Variants in ZNF277 observed in about 807,000 individuals in gnomAD.
ZNF277 encodes nuclear receptor-interacting factor 4.
ZNF277 carries 55 observed loss-of-function variants against 60.7 expected under a neutral mutation model. The observed-to-expected ratio is 0.91, with a 90% confidence interval of 0.73 to 1.13. The LOEUF (loss-of-function observed/expected upper bound fraction) is 1.13, where lower values mean the gene tolerates loss of function less well. Among genes scored for constraint, ZNF277 ranks in the 50% most tolerant of loss-of-function variants. The probability of loss-of-function intolerance (pLI) is 0.00; values close to 1 mark genes in which losing one functional copy is unlikely to be tolerated. For synonymous variants in ZNF277, 178 were observed against 179.3 expected, an observed-to-expected ratio of 0.99 and a Z score of 0.06; for missense variants, 510 against 523.0, an observed-to-expected ratio of 0.98 and a Z score of 0.24.
intron 5 of ZNF277, 62 bp downstream of exon 5, chr7:112,318,335 C>A: frequency 7.1e-7 from 1 of 1,404,338 alleles, no homozygotes; most frequent in South Asian, 1.2e-5. Context: ...CAGAACATCC[C>A]TAACTGTTGG....
At chr7:112,279,164 A>G (rs1374677724) in intron 1 of ZNF277, among the ~76,000 whole-genome samples, 1 of 152,240 alleles carries the variant, frequency 6.6e-6, no homozygotes, top group Non-Finnish European at 1.5e-5. Flanking sequence ...ATATAAAAGT[A>G]CAAATATTTC....
chr7:112,313,182 C>T (rs1391677384), intron 4 of ZNF277, among the ~76,000 whole-genome samples: 1 of 152,076 alleles, frequency 6.6e-6, no homozygotes, highest in Admixed American at 6.6e-5. Flanking sequence ...TTATAATTAT[C>T]ACTAATTCGT....
chr7:112,289,808 T>A (rs1792163099), intron 2 of ZNF277, among the ~76,000 whole-genome samples: 2 of 151,104 alleles, frequency 1.3e-5, no homozygotes, highest in South Asian at 4.2e-4. Flanking sequence ...CAGTACAACC[T>A]CCACCTCCCT....
At chr7:112,232,038 AATACATATATATATATATAT>A (rs1822346777) in intron 1 of ZNF277, among the ~76,000 whole-genome samples, 1 of 100,656 alleles carries the variant, frequency 9.9e-6, no homozygotes, top group African/African-American at 4.5e-5. Flanking sequence ...AAAATAAATA[AATACATATATATATATATAT>A]ATATATATAT....
intron 1 of ZNF277, among the ~76,000 whole-genome samples, chr7:112,208,401 C>T (rs1464115284): frequency 6.6e-6 from 1 of 151,652 alleles, no homozygotes; most frequent in African/African-American, 2.4e-5. Flanking sequence ...AAAGGATATG[C>T]CTTTCAAAAA....
intron 2 of ZNF277, chr7:112,287,929 G>A (rs1203242971): frequency 7.3e-6 from 1 of 136,136 alleles, no homozygotes; most frequent in Non-Finnish European, 1.5e-5. Flanking sequence ...CTAAAGAGAT[G>A]AACTTTCCAA....
At chr7:112,274,691 T>C (rs1213765461) in intron 1 of ZNF277, among the ~76,000 whole-genome samples, 1 of 152,176 alleles carries the variant, frequency 6.6e-6, no homozygotes, top group Non-Finnish European at 1.5e-5. Flanking sequence ...GATAGGTGAT[T>C]TACAATTTTC....
At chr7:112,270,437 T>C (rs1791642319) in intron 1 of ZNF277, among the ~76,000 whole-genome samples, 1 of 152,162 alleles carries the variant, frequency 6.6e-6, no homozygotes, top group Non-Finnish European at 1.5e-5. Flanking sequence ...GTTAAAGATC[T>C]GTATGTATTG....
Position 112,342,738 on chromosome 7 carries a change from G to T in ZNF277, c.*9G>T. On this transcript the variant is annotated 3_prime_UTR_variant, in exon 12 of 12. Coordinates refer to ENST00000361822, the MANE Select transcript of ZNF277 (RefSeq NM_021994.3). ...ACCAGTTGCTACTATAAGAGTACTT[G>T]AAAACCTAGAAGAAACTACCACAGA... 6.5e-7 allele frequency: 1 copy of T among 1,547,874 alleles called. No homozygotes were observed. Among genetic ancestry groups the T allele is most frequent in the South Asian group, 1.2e-5 (1 of 81,328 alleles).
At chr7:112,336,072 A>G (rs751124122) in intron 7 of ZNF277, 32 bp from the exon 8 acceptor site, 24 of 1,580,808 alleles carry the variant, frequency 1.5e-5, no homozygotes, top group South Asian at 3.4e-5. Context: ...CTTTCCCCCA[A>G]TGTCTCTCAT....
chr7:112,330,262 A>T (rs1407195453), intron 7 of ZNF277, 46 bp downstream of exon 7: 2 of 1,593,536 alleles, frequency 1.3e-6, no homozygotes, highest in African/African-American at 2.7e-5. Context: ...CAGTACTGCA[A>T]ACAAAATCTT....
intron 1 of ZNF277, among the ~76,000 whole-genome samples, chr7:112,245,149 A>G (rs1222601653): frequency 2.0e-5 from 3 of 152,056 alleles, no homozygotes; most frequent in Non-Finnish European, 4.4e-5. Flanking sequence ...CTGATTTCTT[A>G]CTGACTACTC....
chr7:112,255,239 AT>A (rs773918749), intron 1 of ZNF277, among the ~76,000 whole-genome samples: 2 of 152,038 alleles, frequency 1.3e-5, no homozygotes, highest in East Asian at 1.9e-4. Context: ...AAAAAAAGTG[AT>A]TTTTTTTGGA....
rs146989594 is a variant in ZNF277 at position 112,303,668 on chromosome 7, A to G, written c.465+7357A>G. 1.2e-3 allele frequency among the ~76,000 whole-genome samples: 178 copies of G among 152,194 alleles called. 1 individual carries two copies. Among genetic ancestry groups the G allele is most frequent in the Non-Finnish European group, 1.9e-3 (129 of 67,966 alleles). ...GTACCTTTAATATAAATAGGAATTTAGCTTTTCTAGTTTCTTGTGTGTTTA... is the reference window on the plus strand; with the variant it reads ...GTACCTTTAATATAAATAGGAATTTGGCTTTTCTAGTTTCTTGTGTGTTTA... On this transcript the variant is annotated intron_variant, in intron 4 of 11. Transcript: ENST00000361822.
At chr7:112,220,931 G>A (rs1822011381) in intron 1 of ZNF277, among the ~76,000 whole-genome samples, 1 of 152,102 alleles carries the variant, frequency 6.6e-6, no homozygotes, top group Non-Finnish European at 1.5e-5. Context: ...CCCTCCCTTT[G>A]TATGGGAGCT....
chr7:112,311,625 AT>A (rs1400471692), intron 4 of ZNF277, among the ~76,000 whole-genome samples: 4 of 151,792 alleles, frequency 2.6e-5, no homozygotes, highest in Admixed American at 2.6e-4. Flanking sequence ...GTGTCTCCTA[AT>A]TTTTTTTATT....
intron 7 of ZNF277, among the ~76,000 whole-genome samples, chr7:112,332,644 C>T (rs1031751547): frequency 1.3e-5 from 2 of 152,174 alleles, no homozygotes; most frequent in East Asian, 1.9e-4. Context: ...CTTCCTAGCC[C>T]GTTTCCACTT....
At chr7:112,284,907 A>C (rs1007805891) in intron 1 of ZNF277, among the ~76,000 whole-genome samples, 1 of 152,218 alleles carries the variant, frequency 6.6e-6, no homozygotes, top group Non-Finnish European at 1.5e-5. Context: ...ACCTTCAAAC[A>C]GACTGTGAGC....
chr7:112,267,464 G>A (rs1306950253), intron 1 of ZNF277, among the ~76,000 whole-genome samples: 1 of 152,094 alleles, frequency 6.6e-6, no homozygotes, highest in Non-Finnish European at 1.5e-5. Context: ...CGTTCTATTT[G>A]AAAGGTATTA....
Sources: allele counts gnomAD v4.1 joint callset (sites outside exome capture counted in the v4.1 genomes callset), GRCh38; gene constraint gnomAD v4.1.1; transcripts MANE v1.5; gene names NCBI Gene and HGNC (gene_info 2026-07-23, HGNC 2026-07-21).